NEBL: variants seen among roughly 807,000 people sequenced by gnomAD.
NEBL encodes LIM and SH3 protein 2.
NEBL carries 122 observed loss-of-function variants against 140.2 expected under a neutral mutation model. The ratio of observed to expected loss-of-function variants is 0.87; its 90% CI spans 0.75 to 1.01. NEBL has a LOEUF of 1.01. Ranked by LOEUF, NEBL falls within the 50% of genes least tolerant of loss-of-function variation. The pLI is 0.00. For missense variants in NEBL, 1,365 were observed against 1,231.3 expected, an observed-to-expected ratio of 1.11 and a Z score of -1.62; for synonymous variants, 436 against 398.9, an observed-to-expected ratio of 1.09 and a Z score of -1.11.
chr10:21,151,632 G>A (rs1840140282), intron 2 of NEBL, among the ~76,000 whole-genome samples: 1 of 152,140 alleles, frequency 6.6e-6, no homozygotes. Context: ...TACAGGCCTT[G>A]TAGGGTCCCC....
intron 25 of NEBL, among the ~76,000 whole-genome samples, chr10:20,809,033 T>C (rs2130764146): frequency 6.6e-6 from 1 of 152,276 alleles, no homozygotes; most frequent in South Asian, 2.1e-4. Flanking sequence ...TTTTAGAAAA[T>C]CAAGTGACAC....
intron 2 of NEBL, among the ~76,000 whole-genome samples, chr10:21,149,970 G>A (rs1840074492): frequency 6.6e-6 from 1 of 152,146 alleles, no homozygotes; most frequent in Non-Finnish European, 1.5e-5. Context: ...AAAAGCAGAG[G>A]AAAAACAGTT....
intron 2 of NEBL, among the ~76,000 whole-genome samples, chr10:21,133,436 T>C (rs1357362073): frequency 6.6e-6 from 1 of 152,174 alleles, no homozygotes; most frequent in Non-Finnish European, 1.5e-5. Flanking sequence ...GGGCAGTCCA[T>C]AAGGGGTTGA....
At chr10:21,112,243 T>C (rs1377213729) in intron 2 of NEBL, among the ~76,000 whole-genome samples, 1 of 152,214 alleles carries the variant, frequency 6.6e-6, no homozygotes, top group Non-Finnish European at 1.5e-5. Flanking sequence ...TTACTGGGTA[T>C]ATACCCAAAG....
At chr10:21,029,773 C>G in intron 2 of NEBL, 1 of 764,846 alleles carries the variant, frequency 1.3e-6, no homozygotes, top group South Asian at 1.5e-5. Flanking sequence ...GTAGGGATCG[C>G]TATGATGACC....
At chr10:21,162,260 G>A (rs953084240) in intron 2 of NEBL, among the ~76,000 whole-genome samples, 2 of 152,140 alleles carry the variant, frequency 1.3e-5, no homozygotes, top group African/African-American at 4.8e-5. Context: ...TCATCTGGCT[G>A]GTCTTGATTT....
At chr10:20,792,157 AG>A (rs1836062561) in intron 26 of NEBL, among the ~76,000 whole-genome samples, 1 of 151,828 alleles carries the variant, frequency 6.6e-6, no homozygotes, top group Non-Finnish European at 1.5e-5. Context: ...AAAAAGAAAA[AG>A]AAAAAAATGG....
chr10:20,899,070 G>A (rs1306724145), upstream of NEBL, among the ~76,000 whole-genome samples: 1 of 152,174 alleles, frequency 6.6e-6, no homozygotes, highest in Admixed American at 6.5e-5. Context: ...CTGGCCCAGT[G>A]TAGTGGATTC....
At chr10:20,879,361 T>C (rs1489524107) in intron 5 of NEBL, among the ~76,000 whole-genome samples, 2 of 152,202 alleles carry the variant, frequency 1.3e-5, no homozygotes, top group Admixed American at 6.5e-5. Flanking sequence ...ATTATGATTA[T>C]TACAGTCATC....
chr10:21,123,964 C>T (rs1257322700), intron 2 of NEBL, among the ~76,000 whole-genome samples: 1 of 151,494 alleles, frequency 6.6e-6, no homozygotes, highest in Non-Finnish European at 1.5e-5. Flanking sequence ...CCAATCCTCA[C>T]CTGAGATACG....
intron 2 of NEBL, among the ~76,000 whole-genome samples, chr10:21,149,887 C>T (rs960792399): frequency 1.3e-5 from 2 of 152,202 alleles, no homozygotes; most frequent in Non-Finnish European, 2.9e-5. Flanking sequence ...GAACTGATCA[C>T]TTGCTTGGTA....
intron 3 of NEBL, among the ~76,000 whole-genome samples, chr10:21,247,010 C>T (rs957348141): frequency 2.6e-5 from 4 of 152,074 alleles, no homozygotes; most frequent in Admixed American, 2.0e-4. Flanking sequence ...AGTGAGTTCT[C>T]ATGAGATCTG....
intron 19 of NEBL, 88 bp downstream of exon 19, chr10:20,823,120 A>G: frequency 2.1e-6 from 2 of 965,422 alleles, no homozygotes; most frequent in East Asian, 5.3e-5. Context: ...GTTCATTGTG[A>G]TGGCATTTGA....
intron 2 of NEBL, among the ~76,000 whole-genome samples, chr10:21,035,930 A>G (rs981007568): frequency 1.4e-4 from 21 of 152,302 alleles, no homozygotes; most frequent in East Asian, 9.6e-4. Context: ...TGGGAGGCTG[A>G]GGTGAGCGGA....
chr10:20,789,548 G>A (rs12244585), intron 26 of NEBL, among the ~76,000 whole-genome samples: 25,041 of 152,054 alleles, frequency 0.16, 2,197 homozygotes, highest in African/African-American at 0.23. Flanking sequence ...TCTCATTTTG[G>A]CTTTCAAAAA....
In NEBL at chr10:20,783,436, G is replaced by C. The variant is rs947222932; in HGVS notation, c.*2311C>G. On this transcript the variant is annotated 3_prime_UTR_variant, in exon 28 of 28. Transcript: ENST00000377122. ...TATTTTGCTATGCAAACATTATTACGTGAAGCTTAAAATTTTAGGAGACTT... is the reference window on the plus strand; with the variant it reads ...TATTTTGCTATGCAAACATTATTACCTGAAGCTTAAAATTTTAGGAGACTT... The C allele has an allele frequency of 2.0e-5, 3 of 152,124 alleles. No homozygotes were observed. Among genetic ancestry groups the C allele is most frequent in the Admixed American group, 1.3e-4 (2 of 15,266 alleles). 9.4% of individuals were successfully genotyped at this position (152,124 alleles called of 1,614,324 possible). A position where few individuals can be genotyped will look rare whatever the true frequency, so the allele number is the denominator to read the frequency against.
chr10:21,012,502 A>G (rs997687890), intron 3 of NEBL, among the ~76,000 whole-genome samples: 11 of 152,066 alleles, frequency 7.2e-5, no homozygotes, highest in Non-Finnish European at 1.3e-4. Flanking sequence ...TGGGGCTACA[A>G]GCATGAGCCA....
At chr10:21,029,406 G>C in intron 2 of NEBL, 3 of 1,611,476 alleles carry the variant, frequency 1.9e-6, no homozygotes, top group South Asian at 2.2e-5. Flanking sequence ...CAGAGAGGTT[G>C]AAAGGTTTTG....
chr10:21,098,864 C>T (rs1365138615), intron 2 of NEBL, among the ~76,000 whole-genome samples: 2 of 152,188 alleles, frequency 1.3e-5, no homozygotes. Flanking sequence ...CATGGCGGCT[C>T]ACACCTGTAA....
Sources: gnomAD v4.1 joint callset for allele counts (sites outside exome capture counted in the v4.1 genomes callset) on GRCh38, gnomAD v4.1.1 for gene constraint, MANE v1.5 for transcripts, NCBI Gene and HGNC (gene_info 2026-07-23, HGNC 2026-07-21) for gene names.